LRP1B: variants seen among roughly 807,000 people sequenced by gnomAD.
LRP1B encodes the protein LDL receptor related protein 1B, also known as low-density lipoprotein receptor-related protein 1B.
LRP1B carries 217 observed loss-of-function variants against 556.6 expected under a neutral mutation model. The observed-to-expected ratio is 0.39, with a 90% CI of 0.35 to 0.44. LRP1B has a LOEUF of 0.44. LRP1B is among the 20% of genes least tolerant of loss of function. The pLI, the probability that LRP1B is intolerant of heterozygous loss-of-function variation, is 1.00. For missense variants in LRP1B, 5,053 were observed against 5,620.8 expected (o/e 0.90, Z 3.23); for synonymous variants, 2,047 against 1,865.8 (o/e 1.10, Z -2.50).
At chr2:141,705,630 C>T (rs1692108004) in intron 2 of LRP1B, among the ~76,000 whole-genome samples, 1 of 151,986 alleles carries the variant, frequency 6.6e-6, no homozygotes, top group Admixed American at 6.6e-5. Flanking sequence ...ATTGTAACTA[C>T]CATTTAGTCA....
intron 7 of LRP1B, among the ~76,000 whole-genome samples, chr2:141,135,147 A>T (rs2105038311): frequency 6.6e-6 from 1 of 151,980 alleles, no homozygotes; most frequent in African/African-American, 2.4e-5. Flanking sequence ...TAGTGAAAGA[A>T]TAATATACAA....
At chr2:141,759,565 A>G (rs550106984) in intron 2 of LRP1B, among the ~76,000 whole-genome samples, 116 of 152,334 alleles carry the variant, frequency 7.6e-4, no homozygotes, top group Admixed American at 2.3e-3. Context: ...ACTTTACCAA[A>G]ATAAATCTGT....
At chr2:140,560,871 T>A (rs1439114558) in intron 43 of LRP1B, among the ~76,000 whole-genome samples, 1 of 152,160 alleles carries the variant, frequency 6.6e-6, no homozygotes, top group Non-Finnish European at 1.5e-5. Context: ...GAGGAAAAGG[T>A]GCTCTTCAAT....
Position 140,561,926 on chromosome 2 carries a change from A to G in LRP1B, c.7195-19955T>C, listed in dbSNP as rs185887222. Among the ~76,000 whole-genome samples the G allele has an allele frequency of 1.7e-3, 263 of 152,204 alleles. 3 individuals are homozygous for G. Among genetic ancestry groups the G allele is most frequent in the Admixed American group, 3.9e-3 (59 of 15,284 alleles). On this transcript the variant is annotated intron_variant, in intron 43 of 90. Coordinates refer to ENST00000389484, the MANE Select transcript of LRP1B (RefSeq NM_018557.3). The stretch of plus-strand genomic sequence containing the variant: ...GATGGTTTATCTCAGGAATGCTTTA[A>G]TATTTAAAAAAGATTAATGTAATTT...
chr2:141,346,230 T>C (rs1415777301), intron 3 of LRP1B, among the ~76,000 whole-genome samples: 1 of 152,150 alleles, frequency 6.6e-6, no homozygotes, highest in Non-Finnish European at 1.5e-5. Flanking sequence ...ATTTTGCTTA[T>C]ATTTAAGAGT....
At chr2:141,684,746 G>A (rs1313290750) in intron 2 of LRP1B, among the ~76,000 whole-genome samples, 36 of 152,044 alleles carry the variant, frequency 2.4e-4, no homozygotes, top group Admixed American at 2.3e-3. Context: ...TTGACTAATG[G>A]AGCAAATCTT....
At chr2:140,456,096 C>T (rs1284404238) in intron 62 of LRP1B, among the ~76,000 whole-genome samples, 1 of 152,132 alleles carries the variant, frequency 6.6e-6, no homozygotes, top group Non-Finnish European at 1.5e-5. Context: ...CCCAGATCAC[C>T]TACTCTAAGA....
chr2:141,579,724 CTTTT>C lies in LRP1B; in HGVS notation c.206-99195_206-99192del, dbSNP rs33913417. On this transcript the variant is annotated intron_variant, in intron 2 of 90. Coordinates refer to ENST00000389484, the MANE Select transcript of LRP1B (RefSeq NM_018557.3). ...CATAAGGAAAACATATCAGGTTTCA[CTTTT>C]TTTTTTTTTTTTTTGAGACGGAGTG... Among the ~76,000 whole-genome samples, 5 of 101,002 alleles carry C rather than the reference CTTTT, an allele frequency of 5.0e-5. 1 individual carries two copies. The highest frequency in any genetic ancestry group is 2.2e-4 in the African/African-American group (5 of 22,472). The allele number at this position is 101,002 out of a possible 152,430, so 66.3% of individuals were successfully genotyped here. A position where few individuals can be genotyped will look rare whatever the true frequency, so the allele number is the denominator to read the frequency against.
intron 2 of LRP1B, among the ~76,000 whole-genome samples, chr2:141,573,941 G>A (rs1686633432): frequency 6.6e-6 from 1 of 152,116 alleles, no homozygotes; most frequent in Non-Finnish European, 1.5e-5. Context: ...TTCTGAAATT[G>A]AGGCAGTAAT....
chr2:141,704,218 C>T (rs1183649536), intron 2 of LRP1B, among the ~76,000 whole-genome samples: 12 of 151,884 alleles, frequency 7.9e-5, no homozygotes, highest in Admixed American at 7.2e-4. Flanking sequence ...TTCAGTGTCA[C>T]GATGCACGGG....
In LRP1B at chr2:140,591,554, CT is replaced by C. The variant is rs1051311664; in HGVS notation, c.7194+7076del. On this transcript the variant is annotated intron_variant, in intron 43 of 90. Coordinates refer to ENST00000389484, the MANE Select transcript of LRP1B (RefSeq NM_018557.3). ...CAAGGCAGTCCTATTCCTTCTACGA[CT>C]TTGGAAAATGTTGGCAGCATTTTTG... Among the ~76,000 whole-genome samples, 39 of 152,250 alleles carry C rather than the reference CT, an allele frequency of 2.6e-4. 1 individual carries two copies. Among genetic ancestry groups the C allele is most frequent in the African/African-American group, 7.2e-4 (30 of 41,556 alleles).
chr2:141,574,960 C>A (rs113902671), intron 2 of LRP1B, among the ~76,000 whole-genome samples: 299 of 151,988 alleles, frequency 2.0e-3, no homozygotes, highest in African/African-American at 6.9e-3. Flanking sequence ...AAGAGAGGAT[C>A]CAAACAAATG....
chr2:140,950,476 G>T, intron 19 of LRP1B, 74 bp from the exon 20 acceptor site: 2 of 1,233,478 alleles, frequency 1.6e-6, no homozygotes, highest in East Asian at 2.6e-5. Context: ...ATATCTAACT[G>T]GTTTCTGTTG....
chr2:140,442,445 G>T, intron 66 of LRP1B, 59 bp downstream of exon 66: 6 of 1,565,202 alleles, frequency 3.8e-6, no homozygotes, highest in Non-Finnish European at 5.2e-6. Context: ...TTTAACTGTG[G>T]TTGTCGCAGA....
chr2:141,874,769 A>G (rs1417001944), intron 1 of LRP1B, among the ~76,000 whole-genome samples: 1 of 152,008 alleles, frequency 6.6e-6, no homozygotes, highest in Non-Finnish European at 1.5e-5. Context: ...AAAATGCTGT[A>G]GTTAATTCCT....
intron 41 of LRP1B, among the ~76,000 whole-genome samples, chr2:140,684,859 T>A (rs890471754): frequency 2.6e-5 from 4 of 152,198 alleles, no homozygotes; most frequent in African/African-American, 7.2e-5. Flanking sequence ...GAGAAGTGTT[T>A]GGATCTTTGG....
At chr2:142,078,887 T>C (rs559913867) in intron 1 of LRP1B, among the ~76,000 whole-genome samples, 13 of 152,194 alleles carry the variant, frequency 8.5e-5, no homozygotes, top group Middle Eastern at 3.4e-3. Flanking sequence ...CTAGATGCTG[T>C]AGTCTCACAT....
At chr2:141,060,862 A>G (rs1030267858) in intron 8 of LRP1B, among the ~76,000 whole-genome samples, 1 of 151,734 alleles carries the variant, frequency 6.6e-6, no homozygotes, top group African/African-American at 2.4e-5. Flanking sequence ...TCTATGTTGG[A>G]TTATTTAGTG....
intron 1 of LRP1B, among the ~76,000 whole-genome samples, chr2:141,995,118 TTGC>T (rs1043243205): frequency 2.6e-5 from 4 of 152,132 alleles, no homozygotes; most frequent in African/African-American, 9.7e-5. Flanking sequence ...TAGTTTTCTA[TTGC>T]TGCTATTTAA....
Sources: allele counts gnomAD v4.1 joint callset (sites outside exome capture counted in the v4.1 genomes callset), GRCh38; gene constraint gnomAD v4.1.1; transcripts MANE v1.5; gene names NCBI Gene and HGNC (gene_info 2026-07-23, HGNC 2026-07-21).